The following MCM10 variants were observed in gnomAD, a reference collection of about 807,000 sequenced individuals.
MCM10 encodes minichromosome maintenance 10 replication initiation factor.
Under a neutral mutation model 109.9 loss-of-function variants are expected in MCM10, and 91 were observed. The observed-to-expected ratio is 0.83, with a 90% CI of 0.70 to 0.99. The LOEUF is 0.99. MCM10 is among the 50% of genes least tolerant of loss of function. The pLI is 0.00. For missense variants in MCM10, 1,077 were observed against 1,061.2 expected, an observed-to-expected ratio of 1.01 and a Z score of -0.21; for synonymous variants, 380 against 387.2, an observed-to-expected ratio of 0.98 and a Z score of 0.22.
intron 8 of MCM10, among the ~76,000 whole-genome samples, chr10:13,183,462 A>G (rs1834235386): frequency 6.6e-6 from 1 of 152,144 alleles, no homozygotes; most frequent in Non-Finnish European, 1.5e-5. Context: ...AGAAAAGAAA[A>G]AAGTTTGTAT....
chr10:13,192,498 GCACT>G lies in MCM10; in HGVS notation c.1677_1680del (p.Leu560Ter). 1.2e-6 allele frequency: 2 copies of G among 1,614,174 alleles called. No individual in the cohort carries two copies. The highest frequency in any genetic ancestry group is 1.7e-6 in the Non-Finnish European group (2 of 1,180,036). On this transcript the variant is annotated frameshift_variant, in exon 13 of 20. Transcript: ENST00000378714. LOFTEE classifies it high-confidence loss of function. ...AGCCATCAAGTCCATCTCGGCCTCAGCACTCTTGAAGCAACAGAAGCAGCGGATG... is the reference window on the plus strand; with the variant it reads ...AGCCATCAAGTCCATCTCGGCCTCAGCTTGAAGCAACAGAAGCAGCGGATG...
chr10:13,198,937 C>G (rs1834460135), intron 16 of MCM10, 130 bp downstream of exon 16: 2 of 645,858 alleles, frequency 3.1e-6, no homozygotes, highest in Admixed American at 2.6e-5. Context: ...AGTCTGTGGC[C>G]CAGGCTGAAG....
In MCM10 at chr10:13,192,271, C is replaced by G; in HGVS notation, c.1533C>G (p.Ser511Arg). 2 of 1,613,612 alleles carry G rather than the reference C, an allele frequency of 1.2e-6. No homozygotes were observed. The highest frequency in any genetic ancestry group is 1.7e-6 in the Non-Finnish European group (2 of 1,179,582). Residue 511 changes from serine (S) to arginine (R), a missense_variant, in exon 12 of 20, where the codon AGC becomes AGG. By Grantham distance (110) the Ser-to-Arg change is moderately radical (BLOSUM62 -1). Transcript: ENST00000378714. ...CTGGCACAGGAATACCCCAGAAGAG[C>G]CTGTCTTGCTCTGAGGAGTTCAAGG... Reference protein sequence around the residue: ...TRQKLGIPQKSLSCSEEFKEL... With the variant: ...TRQKLGIPQKRLSCSEEFKEL...
intron 15 of MCM10, 129 bp downstream of exon 15, chr10:13,197,896 G>T (rs1834443429): frequency 5.7e-6 from 5 of 877,618 alleles, no homozygotes; most frequent in Middle Eastern, 2.5e-4. Flanking sequence ...TACCTAAATA[G>T]AATTTCTATG....
intron 8 of MCM10, 51 bp downstream of exon 8, chr10:13,183,151 T>C (rs776720811): frequency 1.1e-5 from 18 of 1,583,508 alleles, no homozygotes; most frequent in Non-Finnish European, 1.6e-5. Flanking sequence ...ACAAGTTAAC[T>C]GAGTTTTATC....
chr10:13,207,696 C>T (rs1237992276), intron 18 of MCM10, among the ~76,000 whole-genome samples: 1 of 152,208 alleles, frequency 6.6e-6, no homozygotes, highest in East Asian at 1.9e-4. Context: ...CACACACTGT[C>T]TTGCCTGCCG....
intron 2 of MCM10, among the ~76,000 whole-genome samples, chr10:13,168,611 G>A (rs1834032214): frequency 6.6e-6 from 1 of 152,076 alleles, no homozygotes; most frequent in Non-Finnish European, 1.5e-5. Flanking sequence ...GGGGAAAAAA[G>A]AGCAAAGAAA....
chr10:13,173,871 G>A (rs1336918453), intron 5 of MCM10, among the ~76,000 whole-genome samples: 1 of 152,098 alleles, frequency 6.6e-6, no homozygotes, highest in Non-Finnish European at 1.5e-5. Flanking sequence ...CCCCCAGTGT[G>A]AGAGCAGTGA....
At chr10:13,194,970 T>A in intron 13 of MCM10, 71 bp from the exon 14 acceptor site, 1 of 1,419,918 alleles carries the variant, frequency 7.0e-7, no homozygotes, top group Non-Finnish European at 9.7e-7. Flanking sequence ...CGCCTCCCAG[T>A]CCACTTTGAG....
intron 6 of MCM10, among the ~76,000 whole-genome samples, chr10:13,176,892 T>G (rs1186876447): frequency 6.6e-6 from 1 of 152,174 alleles, no homozygotes; most frequent in Non-Finnish European, 1.5e-5. Context: ...AGACCTTGTT[T>G]CCACAAACAA....
chr10:13,188,067 CCTAGGAGTTGGAGGTTG>C (rs1834297498), intron 9 of MCM10, among the ~76,000 whole-genome samples: 1 of 152,074 alleles, frequency 6.6e-6, no homozygotes, highest in Non-Finnish European at 1.5e-5. Context: ...ATCACTTGAA[CCTAGGAGTTGGAGGTTG>C]CAGTGGGCCA....
rs141550112 is a variant in MCM10, at chr10:13,188,882, G to A, written c.1217G>A (p.Arg406His). 208 of 1,614,022 alleles carry A rather than the reference G, an allele frequency of 1.3e-4. No homozygotes were observed. The highest frequency in any genetic ancestry group is 1.2e-3 in the African/African-American group (90 of 75,058). ...GEPCTQTVNL[R>H]DCEYCQYHVQ... Reference sequence around the variant, plus strand: ...ATGCCACTGCTCTGCCTTTTGCAGCGTGACTGTGAGTACTGTCAGTACCAT... The same window carrying A: ...ATGCCACTGCTCTGCCTTTTGCAGCATGACTGTGAGTACTGTCAGTACCAT... The change falls in exon 10 of 20, where the codon CGT (arginine) becomes CAT (histidine). Residue 406 changes from arginine (R) to histidine (H), a missense_variant and splice_region_variant. Physicochemically the swap from Arg to His is conservative, Grantham distance 29. Coordinates refer to ENST00000378714, the MANE Select transcript of MCM10 (RefSeq NM_018518.5).
At chr10:13,186,352 A>G in intron 9 of MCM10, 72 bp downstream of exon 9, 1 of 1,012,404 alleles carries the variant, frequency 9.9e-7, no homozygotes. Flanking sequence ...TTGGTGCTTT[A>G]GCTGTGATGA....
chr10:13,180,835 A>G (rs1416288870), intron 7 of MCM10, among the ~76,000 whole-genome samples: 4 of 152,164 alleles, frequency 2.6e-5, no homozygotes, highest in Non-Finnish European at 5.9e-5. Context: ...CATTGTCCAA[A>G]TCATCCTTAC....
chr10:13,188,145 C>CA (rs558201995), intron 9 of MCM10, among the ~76,000 whole-genome samples: 5 of 150,204 alleles, frequency 3.3e-5, no homozygotes, highest in African/African-American at 9.8e-5. Flanking sequence ...ACTCTGTCTC[C>CA]AAAAAAAAAT....
At chr10:13,178,424 C>G (rs1050779272) in intron 6 of MCM10, among the ~76,000 whole-genome samples, 1 of 152,106 alleles carries the variant, frequency 6.6e-6, no homozygotes, top group Non-Finnish European at 1.5e-5. Flanking sequence ...TTGTATATGG[C>G]GAGAGATAGG....
intron 18 of MCM10, among the ~76,000 whole-genome samples, chr10:13,205,123 G>T (rs192160273): frequency 2.0e-5 from 3 of 150,254 alleles, no homozygotes; most frequent in African/African-American, 7.4e-5. Flanking sequence ...TAGTAAAGTC[G>T]GGGCTTTTAG....
rs1439414670 is a variant in MCM10, at chr10:13,180,498, T to C, written c.821T>C (p.Ile274Thr). The C allele has an allele frequency of 1.2e-6, 2 of 1,613,934 alleles. No individual in the cohort carries two copies. The highest frequency in any genetic ancestry group is 2.2e-5 in the East Asian group (1 of 44,860). Reference protein sequence around the residue: ...MNKKMTGRKLIRLSQIKEKMA... With the variant: ...MNKKMTGRKLTRLSQIKEKMA... ...AAGAAAATGACCGGCCGAAAACTGA[T>C]CAGACTGTCTCAGATCAAGGAAAAG... Residue 274 changes from isoleucine to threonine, a missense_variant, in exon 7 of 20, where the codon ATC becomes ACC. Coordinates refer to ENST00000378714, the MANE Select transcript of MCM10 (RefSeq NM_018518.5).
At chr10:13,183,446 A>C (rs1464614738) in intron 8 of MCM10, among the ~76,000 whole-genome samples, 1 of 152,188 alleles carries the variant, frequency 6.6e-6, no homozygotes, top group East Asian at 1.9e-4. Flanking sequence ...CTCAAAAAAA[A>C]AGACAAGAAA....
Sources: allele counts gnomAD v4.1 joint callset (sites outside exome capture counted in the v4.1 genomes callset), GRCh38; gene constraint gnomAD v4.1.1; transcripts MANE v1.5; gene names NCBI Gene and HGNC (gene_info 2026-07-23, HGNC 2026-07-21).